PCDH11X: variants seen among roughly 807,000 people sequenced by gnomAD.
The protein encoded by PCDH11X is protocadherin 11 X-linked, also known as protocadherin-11 X-linked.
In PCDH11X, 18 loss-of-function variants were observed where a neutral mutation model predicts 53.3. The observed-to-expected ratio is 0.34, with a 90% confidence interval of 0.23 to 0.50. The LOEUF is 0.50. Among genes scored for constraint, PCDH11X ranks in the 20% least tolerant of loss-of-function variants. PCDH11X has a pLI of 0.98. For synonymous variants in PCDH11X, 279 were observed against 393.3 expected (o/e 0.71, Z 3.44); for missense variants, 570 against 1,032.4 (o/e 0.55, Z 6.14).
At chrX:92,204,717 A>C (rs1359161962) in intron 7 of PCDH11X, among the ~76,000 whole-genome samples, 1 of 112,207 alleles carries the variant, frequency 8.9e-6, no homozygotes, top group Non-Finnish European at 1.9e-5. Flanking sequence ...CTACCTCAGT[A>C]CCAATTTACG....
chrX:92,407,783 G>C (rs1214827840), intron 9 of PCDH11X, among the ~76,000 whole-genome samples: 1 of 110,729 alleles, frequency 9.0e-6, no homozygotes, highest in Non-Finnish European at 1.9e-5. Context: ...TGACAAAAAG[G>C]GTAAACTAGT....
chrX:92,335,020 A>C lies in PCDH11X; in HGVS notation c.3145-52715A>C, dbSNP rs755554036. ...CCCTTACCCTTGTTGTTCAAGGGTC[A>C]ACTGTATATTGCCTATCTCTCAGGG... is the stretch of plus-strand genomic sequence containing the variant. On this transcript the variant is annotated intron_variant, in intron 8 of 10. Transcript: ENST00000682573. 2.4e-4 allele frequency among the ~76,000 whole-genome samples: 26 copies of C among 109,817 alleles called. No individual in the cohort carries two copies. In the Middle Eastern group the frequency reaches 0.014, roughly 59 times the overall value.
chrX:91,780,982 C>T (rs1251736947), intron 1 of PCDH11X, among the ~76,000 whole-genome samples: 1 of 112,082 alleles, frequency 8.9e-6, no homozygotes, highest in Non-Finnish European at 1.9e-5. Context: ...TCTGCTTCAC[C>T]CGCCTGCGGC....
chrX:92,108,341 A>G (rs1003142526), intron 6 of PCDH11X, among the ~76,000 whole-genome samples: 9 of 112,147 alleles, frequency 8.0e-5, no homozygotes, highest in African/African-American at 2.9e-4. Flanking sequence ...TAGTATTTCT[A>G]AGGCTGACTG....
chrX:92,200,799 C>T (rs2066376655), intron 6 of PCDH11X, among the ~76,000 whole-genome samples: 2 of 112,180 alleles, frequency 1.8e-5, no homozygotes, highest in Admixed American at 1.9e-4. Flanking sequence ...CATATATAGC[C>T]CTTGAAGCCA....
At chrX:92,432,838 T>C (rs1603311123) in intron 9 of PCDH11X, among the ~76,000 whole-genome samples, 1 of 108,885 alleles carries the variant, frequency 9.2e-6, no homozygotes, top group East Asian at 2.9e-4. Flanking sequence ...CAGGAAAACC[T>C]AGTGAACAAA....
intron 6 of PCDH11X, among the ~76,000 whole-genome samples, chrX:91,991,767 A>G (rs376711754): frequency 3.7e-5 from 4 of 107,926 alleles, no homozygotes; most frequent in East Asian, 5.8e-4. Context: ...TCGCGTTTAC[A>G]TGCTTTCAAC....
At chrX:92,090,074 G>A (rs1276406268) in intron 6 of PCDH11X, among the ~76,000 whole-genome samples, 3 of 109,614 alleles carry the variant, frequency 2.7e-5, no homozygotes, top group African/African-American at 3.3e-5. Context: ...GAACTACATC[G>A]AATACCTACT....
At chrX:91,897,037 A>C (rs1467765274) in intron 6 of PCDH11X, among the ~76,000 whole-genome samples, 1 of 104,827 alleles carries the variant, frequency 9.5e-6, no homozygotes, top group Non-Finnish European at 1.9e-5. Context: ...GTTGGCAAGC[A>C]CTACATTCAT....
intron 6 of PCDH11X, among the ~76,000 whole-genome samples, chrX:91,940,195 C>T (rs1322458453): frequency 1.8e-5 from 2 of 110,610 alleles, no homozygotes; most frequent in African/African-American, 6.6e-5. Context: ...CTTCAACTTC[C>T]GCCATGATTG....
At chrX:92,049,355 T>C (rs780203543) in intron 6 of PCDH11X, among the ~76,000 whole-genome samples, 77 of 111,201 alleles carry the variant, frequency 6.9e-4, no homozygotes, top group African/African-American at 2.4e-3. Context: ...AGTCATGATA[T>C]ACAAGGTTAA....
intron 6 of PCDH11X, among the ~76,000 whole-genome samples, chrX:92,131,185 A>C (rs761051196): frequency 8.9e-6 from 1 of 111,944 alleles, no homozygotes; most frequent in African/African-American, 3.2e-5. Flanking sequence ...ACCATTTAAA[A>C]AACGAATAGT....
Position 92,476,772 on chromosome X carries a change from C to T in PCDH11X, c.3367+8450C>T, listed in dbSNP as rs1183467111. On this transcript the variant is annotated intron_variant, in intron 10 of 10. Coordinates refer to ENST00000682573, the MANE Select transcript of PCDH11X (RefSeq NM_032968.5). ...TCTGTATTAGAGAACGCAAGAAGCC[C>T]GAAGCCCAGGACAACTTTTTAAGTT... is the stretch of plus-strand genomic sequence containing the variant. 3.9e-5 allele frequency among the ~76,000 whole-genome samples: 2 copies of T among 50,809 alleles called. 1 individual carries two copies. The highest frequency in any genetic ancestry group is 2.7e-4 in the African/African-American group (2 of 7,276). The allele number at this position is 50,809 out of a possible 115,157, so 44.1% of individuals were successfully genotyped here.
chrX:92,556,444 T>C (rs963121724), intron 10 of PCDH11X, among the ~76,000 whole-genome samples: 5 of 111,306 alleles, frequency 4.5e-5, no homozygotes, highest in Non-Finnish European at 9.4e-5. Context: ...GTGAGAGAAA[T>C]TGGCAAAAAC....
intron 10 of PCDH11X, among the ~76,000 whole-genome samples, chrX:92,546,832 A>T: frequency 8.9e-6 from 1 of 112,079 alleles, no homozygotes; most frequent in African/African-American, 3.2e-5. Flanking sequence ...TGAGCTTTAG[A>T]TACTGCCCTT....
intron 10 of PCDH11X, among the ~76,000 whole-genome samples, chrX:92,574,995 G>A (rs978109167): frequency 9.1e-6 from 1 of 110,479 alleles, no homozygotes; most frequent in African/African-American, 3.3e-5. Context: ...CTGTAAAAGT[G>A]CGCTGCTTTT....
intron 8 of PCDH11X, among the ~76,000 whole-genome samples, chrX:92,335,298 A>G (rs1424920879): frequency 9.0e-6 from 1 of 110,662 alleles, no homozygotes; most frequent in Non-Finnish European, 1.9e-5. Flanking sequence ...GTGACTCTTC[A>G]TCCAACATGA....
At chrX:92,559,257 G>C (rs2075095168) in intron 10 of PCDH11X, among the ~76,000 whole-genome samples, 1 of 110,617 alleles carries the variant, frequency 9.0e-6, no homozygotes, top group Admixed American at 9.7e-5. Flanking sequence ...TAAGAAAAAA[G>C]AATAAATAAA....
intron 6 of PCDH11X, among the ~76,000 whole-genome samples, chrX:91,908,144 T>C (rs1244255266): frequency 9.0e-6 from 1 of 111,678 alleles, no homozygotes; most frequent in Admixed American, 9.6e-5. Context: ...AGAAAAGCAA[T>C]TGCTACAGAA....
Sources: allele counts gnomAD v4.1 joint callset (sites outside exome capture counted in the v4.1 genomes callset), GRCh38; gene constraint gnomAD v4.1.1; transcripts MANE v1.5; gene names NCBI Gene and HGNC (gene_info 2026-07-23, HGNC 2026-07-21).